The following QTMAN variants were observed in gnomAD, a reference collection of about 807,000 sequenced individuals.
QTMAN encodes queuosine-tRNA mannosyltransferase, also known as tRNA-queuosine alpha-mannosyltransferase.
chr2:144,246,999 A>C, the QTMAN span, among the ~76,000 whole-genome samples: 1 of 152,242 alleles, frequency 6.6e-6, no homozygotes, highest in Non-Finnish European at 1.5e-5. Flanking sequence ...TTATCAATCA[A>C]GTGAGAAAAC....
At chr2:144,166,975 C>CA in the QTMAN span, among the ~76,000 whole-genome samples, 1 of 152,076 alleles carries the variant, frequency 6.6e-6, no homozygotes, top group Admixed American at 6.6e-5. Context: ...CTCATAGTAC[C>CA]AAAAAACTTC....
At chr2:143,974,623 T>C in the QTMAN span, among the ~76,000 whole-genome samples, 1 of 152,326 alleles carries the variant, frequency 6.6e-6, no homozygotes, top group East Asian at 1.9e-4. Context: ...CAAATGAATG[T>C]GTATGTCTAG....
At chr2:144,314,669 T>C in the QTMAN span, among the ~76,000 whole-genome samples, 1 of 152,062 alleles carries the variant, frequency 6.6e-6, no homozygotes, top group Admixed American at 6.6e-5. Flanking sequence ...GTGGAGATAG[T>C]GCCACCGCAC....
the QTMAN span, among the ~76,000 whole-genome samples, chr2:144,163,593 A>G: frequency 6.6e-6 from 1 of 152,194 alleles, no homozygotes; most frequent in Non-Finnish European, 1.5e-5. Context: ...TTGCCTTTTC[A>G]CAGTAGTAGG....
the QTMAN span, chr2:144,145,598 T>C: frequency 8.5e-5 from 137 of 1,609,998 alleles, no homozygotes; most frequent in Non-Finnish European, 1.1e-4. Flanking sequence ...TGTATCCATA[T>C]TGGAAATCCC....
the QTMAN span, among the ~76,000 whole-genome samples, chr2:144,224,911 T>C: frequency 6.6e-6 from 1 of 152,178 alleles, no homozygotes; most frequent in South Asian, 2.1e-4. Flanking sequence ...GAATGATAAA[T>C]GTAGAACATT....
chr2:144,229,952 A>G, the QTMAN span, among the ~76,000 whole-genome samples: 1 of 152,190 alleles, frequency 6.6e-6, no homozygotes, highest in Non-Finnish European at 1.5e-5. Context: ...CTATAGTCAC[A>G]TAACATAAAT....
chr2:144,077,148 T>C, the QTMAN span, among the ~76,000 whole-genome samples: 1 of 152,138 alleles, frequency 6.6e-6, no homozygotes, highest in African/African-American at 2.4e-5. Flanking sequence ...TGTATTTCAC[T>C]ACTTCAAACC....
the QTMAN span, among the ~76,000 whole-genome samples, chr2:144,108,139 G>A: frequency 6.6e-6 from 1 of 152,136 alleles, no homozygotes. Context: ...CAAACCCACA[G>A]CCAATATCAT....
chr2:144,133,177 TATATA>T, the QTMAN span, among the ~76,000 whole-genome samples: 5 of 45,558 alleles, frequency 1.1e-4, no homozygotes, highest in Non-Finnish European at 1.5e-4. Flanking sequence ...TATATAAATA[TATATA>T]ATATAAATTT....
At chr2:144,122,274 T>A in the QTMAN span, among the ~76,000 whole-genome samples, 1 of 152,188 alleles carries the variant, frequency 6.6e-6, no homozygotes, top group African/African-American at 2.4e-5. Context: ...TTATAATTAA[T>A]CTATGGGACC....
the QTMAN span, chr2:144,319,811 G>T: frequency 1.3e-5 from 2 of 152,080 alleles, no homozygotes; most frequent in Non-Finnish European, 2.9e-5. Flanking sequence ...TGAGAGATTT[G>T]AACCTGCTGC....
At chr2:144,105,050 A>T in the QTMAN span, among the ~76,000 whole-genome samples, 1 of 152,250 alleles carries the variant, frequency 6.6e-6, no homozygotes, top group South Asian at 2.1e-4. Context: ...GAGGGTCCTG[A>T]CTGTTAGAAG....
At chr2:144,181,699 T>C in the QTMAN span, among the ~76,000 whole-genome samples, 3 of 152,008 alleles carry the variant, frequency 2.0e-5, no homozygotes, top group African/African-American at 7.2e-5. Context: ...TAGTGTCAGC[T>C]TCTTGGGAGG....
chr2:143,999,424 T>TAA, the QTMAN span, among the ~76,000 whole-genome samples: 2 of 147,710 alleles, frequency 1.4e-5, no homozygotes, highest in African/African-American at 4.9e-5. Context: ...ATATTAGCCT[T>TAA]AAAAAAAAAA....
the QTMAN span, among the ~76,000 whole-genome samples, chr2:144,091,916 A>T: frequency 6.6e-6 from 1 of 152,208 alleles, no homozygotes; most frequent in Admixed American, 6.5e-5. Context: ...TGAGTGAAAG[A>T]AGTCAGATAA....
chr2:144,025,473 G>T, the QTMAN span, among the ~76,000 whole-genome samples: 1 of 152,202 alleles, frequency 6.6e-6, no homozygotes, highest in African/African-American at 2.4e-5. Flanking sequence ...CCGTTTGTAA[G>T]GAAGAAGATG....
chr2:144,118,142 T>C, the QTMAN span, among the ~76,000 whole-genome samples: 1 of 151,950 alleles, frequency 6.6e-6, no homozygotes, highest in Non-Finnish European at 1.5e-5. Flanking sequence ...CACCGTGCAG[T>C]ACACTAACAT....
the QTMAN span, among the ~76,000 whole-genome samples, chr2:144,237,974 T>C: frequency 6.2e-4 from 94 of 152,306 alleles, no homozygotes; most frequent in Admixed American, 6.1e-3. Context: ...GAGAGAGCCA[T>C]TTTCTAAGCA....
Sources: gnomAD v4.1 joint callset for allele counts (sites outside exome capture counted in the v4.1 genomes callset) on GRCh38, gnomAD v4.1.1 for gene constraint, MANE v1.5 for transcripts, NCBI Gene and HGNC (gene_info 2026-07-23, HGNC 2026-07-21) for gene names.